Variants in ATRNL1 observed in about 807,000 individuals in gnomAD.
ATRNL1 encodes attractin like 1.
In ATRNL1, 95 loss-of-function variants were observed where a neutral mutation model predicts 182.7. The observed-to-expected ratio is 0.52, with a 90% confidence interval of 0.44 to 0.62. ATRNL1 has a LOEUF of 0.62. Ranked by LOEUF, ATRNL1 falls within the 20% of genes least tolerant of loss-of-function variation. ATRNL1 has a pLI of 0.00. For missense variants in ATRNL1, 1,471 were observed against 1,679.5 expected, an observed-to-expected ratio of 0.88 and a Z score of 2.17; for synonymous variants, 576 against 568.3, an observed-to-expected ratio of 1.01 and a Z score of -0.19.
At chr10:115,931,014 G>T in intron 28 of ATRNL1, among the ~76,000 whole-genome samples, 1 of 152,234 alleles carries the variant, frequency 6.6e-6, no homozygotes. Context: ...ATTTGCTTTT[G>T]TTCTGATAAT....
At chr10:115,695,347 T>C (rs1181719437) in intron 26 of ATRNL1, among the ~76,000 whole-genome samples, 1 of 152,152 alleles carries the variant, frequency 6.6e-6, no homozygotes. Context: ...ATACTACTGA[T>C]TATTTTTATA....
At chr10:115,476,505 G>A (rs782662968) in intron 24 of ATRNL1, among the ~76,000 whole-genome samples, 1 of 150,296 alleles carries the variant, frequency 6.7e-6, no homozygotes, top group East Asian at 2.0e-4. Context: ...AGCTATTTTT[G>A]GTGTTGTGTT....
At chr10:115,473,230 G>A (rs1848385919) in intron 24 of ATRNL1, among the ~76,000 whole-genome samples, 1 of 151,166 alleles carries the variant, frequency 6.6e-6, no homozygotes, top group African/African-American at 2.4e-5. Context: ...ATGTGCTGTT[G>A]AATCAAATGT....
chr10:115,378,850 G>A (rs1460399212), intron 19 of ATRNL1, among the ~76,000 whole-genome samples: 1 of 152,038 alleles, frequency 6.6e-6, no homozygotes, highest in Non-Finnish European at 1.5e-5. Flanking sequence ...TATGCTGTAA[G>A]GATACAAAGA....
Position 115,700,051 on chromosome 10 carries a change from G to C in ATRNL1, c.3796-27197G>C, listed in dbSNP as rs554169099. Among the ~76,000 whole-genome samples, 7 of 152,240 alleles carry C rather than the reference G, an allele frequency of 4.6e-5. No homozygotes were observed. The South Asian group carries it at 1.5e-3, about 32-fold the overall frequency. The stretch of plus-strand genomic sequence containing the variant: ...TTTTTATGGCTATGTAGAATTCCAT[G>C]GTGTATATGTACCACATTTTCTTTA... On this transcript the variant is annotated intron_variant, in intron 26 of 28. Coordinates refer to ENST00000355044, the MANE Select transcript of ATRNL1 (RefSeq NM_207303.4).
intron 19 of ATRNL1, among the ~76,000 whole-genome samples, chr10:115,365,749 G>T (rs369782065): frequency 0.011 from 1,607 of 151,452 alleles, 27 homozygotes; most frequent in African/African-American, 0.036. Flanking sequence ...TCAAAGAACA[G>T]CTTTATTTCT....
intron 26 of ATRNL1, among the ~76,000 whole-genome samples, chr10:115,568,466 TA>T (rs1854198554): frequency 6.6e-6 from 1 of 152,194 alleles, no homozygotes; most frequent in East Asian, 1.9e-4. Flanking sequence ...TTGGTAGTGA[TA>T]TTTTCAGGTA....
chr10:115,679,975 T>C (rs577511514), intron 26 of ATRNL1, among the ~76,000 whole-genome samples: 1 of 152,262 alleles, frequency 6.6e-6, no homozygotes, highest in African/African-American at 2.4e-5. Context: ...ACATGAGATA[T>C]GTGATCTGTC....
At chr10:115,864,707 G>A (rs1425527795) in intron 28 of ATRNL1, among the ~76,000 whole-genome samples, 1 of 152,174 alleles carries the variant, frequency 6.6e-6, no homozygotes, top group African/African-American at 2.4e-5. Context: ...AAGAGGCCGG[G>A]CGCGGTGGCT....
chr10:115,827,779 A>C (rs1950470176), intron 27 of ATRNL1, among the ~76,000 whole-genome samples: 1 of 152,184 alleles, frequency 6.6e-6, no homozygotes, highest in African/African-American at 2.4e-5. Context: ...GAATACTGAC[A>C]CAAGGGAGCT....
intron 26 of ATRNL1, among the ~76,000 whole-genome samples, chr10:115,701,705 T>C (rs1026970202): frequency 1.3e-5 from 2 of 151,910 alleles, no homozygotes; most frequent in South Asian, 2.1e-4. Context: ...CTAGAGAAAA[T>C]TGATAAATTT....
At chr10:115,645,499 TATATATAAATATAAAAAA>T (rs1859549333) in intron 26 of ATRNL1, among the ~76,000 whole-genome samples, 2 of 147,650 alleles carry the variant, frequency 1.4e-5, no homozygotes, top group African/African-American at 4.9e-5. Context: ...GAGATTTATA[TATATATAAATATAAAAAA>T]ATATATATCC....
chr10:115,249,992 T>C (rs1850806379), intron 10 of ATRNL1, among the ~76,000 whole-genome samples: 1 of 152,218 alleles, frequency 6.6e-6, no homozygotes. Flanking sequence ...AGGCATTTGA[T>C]TTATGCCCAC....
intron 26 of ATRNL1, among the ~76,000 whole-genome samples, chr10:115,632,864 T>TTTTATTTTATTTTATTTTATTTTA (rs1858603626): frequency 7.3e-6 from 1 of 136,532 alleles, no homozygotes; most frequent in Non-Finnish European, 1.6e-5. Flanking sequence ...TCACATTAAC[T>TTTTATTTTATTTTATTTTATTTTA]TTTTATTTTA....
intron 15 of ATRNL1, 93 bp from the exon 16 acceptor site, chr10:115,299,941 A>G (rs1853391866): frequency 1.2e-6 from 1 of 860,288 alleles, no homozygotes; most frequent in Non-Finnish European, 1.8e-6. Flanking sequence ...ATTTTCAAAT[A>G]TAATTTTTAA....
Position 115,676,356 on chromosome 10 carries a change from G to A in ATRNL1, c.3796-50892G>A, listed in dbSNP as rs573952189. Reference sequence around the variant, plus strand: ...AACAGTTAATAATACTTCTAGAGAAGTACATGTTTATTCAGCAATACCTTG... The same window carrying A: ...AACAGTTAATAATACTTCTAGAGAAATACATGTTTATTCAGCAATACCTTG... On this transcript the variant is annotated intron_variant, in intron 26 of 28. Transcript: ENST00000355044. Among the ~76,000 whole-genome samples the A allele has an allele frequency of 3.3e-5, 5 of 152,116 alleles. No homozygotes were observed. In the South Asian group the frequency reaches 6.2e-4, roughly 19 times the overall value.
At chr10:115,290,480 C>T (rs782482606) in intron 15 of ATRNL1, among the ~76,000 whole-genome samples, 16 of 152,160 alleles carry the variant, frequency 1.1e-4, no homozygotes, top group African/African-American at 2.2e-4. Flanking sequence ...CAAGGTGAAA[C>T]GCCGTCTCTA....
chr10:115,747,698 G>T (rs1948333285), intron 27 of ATRNL1, among the ~76,000 whole-genome samples: 1 of 151,974 alleles, frequency 6.6e-6, no homozygotes, highest in Admixed American at 6.6e-5. Context: ...CTAGTGAGAG[G>T]TGTGTTATTC....
chr10:115,421,911 T>C (rs898203974), intron 20 of ATRNL1, among the ~76,000 whole-genome samples: 1 of 152,310 alleles, frequency 6.6e-6, no homozygotes, highest in Admixed American at 6.5e-5. Flanking sequence ...AACTATCTAG[T>C]CTTCAATGAA....
Sources: gnomAD v4.1 joint callset for allele counts (sites outside exome capture counted in the v4.1 genomes callset) on GRCh38, gnomAD v4.1.1 for gene constraint, MANE v1.5 for transcripts, NCBI Gene and HGNC (gene_info 2026-07-23, HGNC 2026-07-21) for gene names.